ADGRB3: variants seen among roughly 807,000 people sequenced by gnomAD.
The protein encoded by ADGRB3 is brain-specific angiogenesis inhibitor 3.
A neutral mutation model predicts 193.4 loss-of-function variants in ADGRB3; 37 were observed. The observed-to-expected ratio is 0.19, with a 90% CI of 0.15 to 0.25. The LOEUF is 0.25. ADGRB3 is among the 10% of genes least tolerant of loss of function. The pLI is 1.00. For missense variants in ADGRB3, 1,637 were observed against 1,852.9 expected, an observed-to-expected ratio of 0.88 and a Z score of 2.14; for synonymous variants, 690 against 644.2, an observed-to-expected ratio of 1.07 and a Z score of -1.08.
At chr6:69,180,443 A>G (rs922918660) in intron 17 of ADGRB3, among the ~76,000 whole-genome samples, 1 of 152,092 alleles carries the variant, frequency 6.6e-6, no homozygotes, top group African/African-American at 2.4e-5. Flanking sequence ...TGGAGTGAAG[A>G]CGTCTTCACT....
intron 8 of ADGRB3, among the ~76,000 whole-genome samples, chr6:68,974,409 G>A (rs1315238682): frequency 2.0e-5 from 3 of 152,054 alleles, no homozygotes; most frequent in African/African-American, 7.2e-5. Context: ...TATAATCCTG[G>A]CACTTTGGGA....
chr6:69,261,540 G>T (rs1360370141), intron 20 of ADGRB3, among the ~76,000 whole-genome samples: 1 of 151,918 alleles, frequency 6.6e-6, no homozygotes, highest in African/African-American at 2.4e-5. Context: ...AATTATTCAA[G>T]TGTTTGATAT....
At chr6:69,082,360 TTCTC>T (rs1392349329) in intron 17 of ADGRB3, among the ~76,000 whole-genome samples, 11 of 152,198 alleles carry the variant, frequency 7.2e-5, no homozygotes, top group Admixed American at 2.0e-4. Flanking sequence ...GTTCTGGAAA[TTCTC>T]TCACTTTTTG....
chr6:69,095,886 T>C (rs1264409906), intron 17 of ADGRB3, among the ~76,000 whole-genome samples: 1 of 152,224 alleles, frequency 6.6e-6, no homozygotes, highest in Non-Finnish European at 1.5e-5. Context: ...AATTTCTTCA[T>C]GTCCTAGGAT....
intron 3 of ADGRB3, among the ~76,000 whole-genome samples, chr6:68,776,808 T>C (rs558644793): frequency 6.6e-6 from 1 of 152,274 alleles, no homozygotes; most frequent in Non-Finnish European, 1.5e-5. Context: ...TCTAAAGCTA[T>C]TAATCTTCTT....
chr6:68,807,209 ATTTTTC>A (rs1767417409), intron 3 of ADGRB3, among the ~76,000 whole-genome samples: 1 of 134,628 alleles, frequency 7.4e-6, no homozygotes. Context: ...ATGGATGTTA[ATTTTTC>A]TTTTTCTTTT....
intron 3 of ADGRB3, among the ~76,000 whole-genome samples, chr6:68,681,307 A>G (rs2127298254): frequency 6.6e-6 from 1 of 152,196 alleles, no homozygotes; most frequent in Admixed American, 6.5e-5. Context: ...TCCAAACTAT[A>G]TCATGCCACT....
intron 17 of ADGRB3, among the ~76,000 whole-genome samples, chr6:69,209,014 G>C (rs1424630530): frequency 6.6e-6 from 1 of 152,150 alleles, no homozygotes; most frequent in Non-Finnish European, 1.5e-5. Context: ...GCAGGGCCTT[G>C]CTCCAAAATC....
At chr6:69,040,263 C>T (rs888232904) in intron 13 of ADGRB3, among the ~76,000 whole-genome samples, 3 of 151,886 alleles carry the variant, frequency 2.0e-5, no homozygotes, top group Admixed American at 6.6e-5. Context: ...TCATCGCTTT[C>T]CCCCACTCTA....
chr6:69,145,616 A>G (rs1327985684), intron 17 of ADGRB3, among the ~76,000 whole-genome samples: 2 of 152,152 alleles, frequency 1.3e-5, no homozygotes, highest in African/African-American at 4.8e-5. Context: ...TCCAGGAAGA[A>G]TGAGATATGT....
intron 17 of ADGRB3, among the ~76,000 whole-genome samples, chr6:69,220,097 A>T (rs1019325805): frequency 6.6e-6 from 1 of 151,780 alleles, no homozygotes. Context: ...ATTGGTTTTT[A>T]ATGTTTTTGG....
intron 3 of ADGRB3, among the ~76,000 whole-genome samples, chr6:68,878,360 A>G (rs934287405): frequency 1.3e-5 from 2 of 152,096 alleles, no homozygotes; most frequent in Admixed American, 6.5e-5. Flanking sequence ...TTTTGGCCCT[A>G]TAAAATATTA....
rs1189575192 is a variant in ADGRB3 at position 69,339,472 on chromosome 6, A to G, written c.3427A>G (p.Ile1143Val). Reference protein sequence around the residue: ...AVFDSLQGFVIVMVHCILRRE... With the variant: ...AVFDSLQGFVVVMVHCILRRE... ...GTTTGATTCATTGCAAGGCTTTGTTATAGTCATGGTCCACTGCATTCTTCG... is the reference window on the plus strand; with the variant it reads ...GTTTGATTCATTGCAAGGCTTTGTTGTAGTCATGGTCCACTGCATTCTTCG... The change falls in exon 26 of 32, where the codon ATA (isoleucine) becomes GTA (valine). Residue 1143 changes from isoleucine (I) to valine (V), a missense_variant. Physicochemically the swap from Ile to Val is conservative, Grantham distance 29. Coordinates refer to ENST00000370598, the MANE Select transcript of ADGRB3 (RefSeq NM_001704.3). The G allele has an allele frequency of 9.9e-6, 16 of 1,613,964 alleles. No homozygotes were observed. Among genetic ancestry groups the G allele is most frequent in the Non-Finnish European group, 1.2e-5 (14 of 1,179,848 alleles).
At chr6:68,688,185 A>G (rs1414955785) in intron 3 of ADGRB3, among the ~76,000 whole-genome samples, 2 of 152,124 alleles carry the variant, frequency 1.3e-5, no homozygotes, top group African/African-American at 4.8e-5. Context: ...TGCCAACCCC[A>G]TCATTCTGCA....
chr6:68,883,685 G>A (rs963288468), intron 3 of ADGRB3, among the ~76,000 whole-genome samples: 7 of 152,106 alleles, frequency 4.6e-5, no homozygotes, highest in African/African-American at 1.4e-4. Context: ...TGAAGCCAGC[G>A]AGACCACGAA....
intron 3 of ADGRB3, among the ~76,000 whole-genome samples, chr6:68,867,173 G>A (rs1276383164): frequency 6.6e-6 from 1 of 152,150 alleles, no homozygotes; most frequent in Non-Finnish European, 1.5e-5. Flanking sequence ...GGCCTAGGAA[G>A]GAAAAATGGT....
At chr6:69,148,828 G>A (rs314204) in intron 17 of ADGRB3, among the ~76,000 whole-genome samples, 21,380 of 152,088 alleles carry the variant, frequency 0.14, 1,675 homozygotes, top group Non-Finnish European at 0.16. Flanking sequence ...TAAAAGTTTT[G>A]TTTCCTTCGG....
chr6:69,196,790 G>A (rs1765306586), intron 17 of ADGRB3, among the ~76,000 whole-genome samples: 2 of 152,012 alleles, frequency 1.3e-5, no homozygotes, highest in Non-Finnish European at 2.9e-5. Flanking sequence ...GGTCTCTATT[G>A]TTCATTCGTT....
At chr6:68,985,498 G>A (rs1303772922) in intron 10 of ADGRB3, among the ~76,000 whole-genome samples, 1 of 152,124 alleles carries the variant, frequency 6.6e-6, no homozygotes, top group Non-Finnish European at 1.5e-5. Flanking sequence ...GGGCATATGG[G>A]AGGATTGTAC....
Sources: gnomAD v4.1 joint callset for allele counts (sites outside exome capture counted in the v4.1 genomes callset) on GRCh38, gnomAD v4.1.1 for gene constraint, MANE v1.5 for transcripts, NCBI Gene and HGNC (gene_info 2026-07-23, HGNC 2026-07-21) for gene names.